The following AATK variants were observed in gnomAD, a reference collection of about 807,000 sequenced individuals.
AATK encodes lemur tail kinase 1.
Under a neutral mutation model 114.3 loss-of-function variants are expected in AATK, and 91 were observed. The ratio of observed to expected loss-of-function variants is 0.80; its 90% confidence interval spans 0.67 to 0.95. The LOEUF (loss-of-function observed/expected upper bound fraction) is 0.95, where lower values mean the gene tolerates loss of function less well. Among genes scored for constraint, AATK ranks in the 40% least tolerant of loss-of-function variants. The pLI is 0.00. For missense variants in AATK, 2,176 were observed against 1,965.2 expected, an observed-to-expected ratio of 1.11 and a Z score of -2.03; for synonymous variants, 1,075 against 916.5, an observed-to-expected ratio of 1.17 and a Z score of -3.12.
At chr17:81,137,869 C>G (rs1182472384) in intron 1 of AATK, among the ~76,000 whole-genome samples, 1 of 151,916 alleles carries the variant, frequency 6.6e-6, no homozygotes, top group African/African-American at 2.4e-5. Context: ...CGTGTGCACA[C>G]CCATACCCGC....
At chr17:81,128,360 T>C (rs1019522268) in intron 4 of AATK, 110 bp downstream of exon 4, 2 of 1,346,288 alleles carry the variant, frequency 1.5e-6, no homozygotes, top group Admixed American at 2.0e-5. Flanking sequence ...GCCCAGAGAC[T>C]GAAGAAGGGA....
intron 1 of AATK, among the ~76,000 whole-genome samples, chr17:81,150,024 G>A (rs2061274699): frequency 1.3e-5 from 2 of 152,214 alleles, no homozygotes; most frequent in South Asian, 4.2e-4. Flanking sequence ...GGTGCCTCTG[G>A]CGGGGACAGC....
intron 1 of AATK, among the ~76,000 whole-genome samples, chr17:81,160,482 G>C (rs550675370): frequency 2.6e-5 from 4 of 152,118 alleles, no homozygotes; most frequent in Non-Finnish European, 5.9e-5. Flanking sequence ...CTTCCTCTGC[G>C]GGGGGGCGGG....
intron 3 of AATK, among the ~76,000 whole-genome samples, chr17:81,130,357 G>A (rs566317410): frequency 1.3e-5 from 2 of 152,278 alleles, no homozygotes; most frequent in South Asian, 4.1e-4. Flanking sequence ...ACAGAACTGG[G>A]AGGTCCTGAA....
In AATK at chr17:81,121,164, G is replaced by A; in HGVS notation, c.2772C>T (p.Ala924=). Residue 924 remains alanine (A), a synonymous_variant, in exon 11 of 14, where the codon GCC becomes GCT. Transcript: ENST00000326724. ...DGGYEVFSPS[A]TGPSGGQPRA... is the part of the protein sequence containing the mutation. The stretch of plus-strand genomic sequence containing the variant: ...GCGGCTGCCCTCCAGAGGGGCCAGT[G>A]GCCGACGGGCTGAAGACCTCATAGC... 6.2e-7 allele frequency: 1 copy of A among 1,602,438 alleles called. No individual in the cohort carries two copies. The highest frequency in any genetic ancestry group is 8.5e-7 in the Non-Finnish European group (1 of 1,175,194).
intron 1 of AATK, 70 bp downstream of exon 1, chr17:81,165,868 G>T (rs2061483064): frequency 6.5e-7 from 1 of 1,535,918 alleles, no homozygotes; most frequent in Admixed American, 2.1e-5. Flanking sequence ...CGGGAGCCGT[G>T]GGGCCCAGGG....
At chr17:81,163,336 G>A (rs1457195269) in intron 1 of AATK, among the ~76,000 whole-genome samples, 1 of 152,114 alleles carries the variant, frequency 6.6e-6, no homozygotes, top group East Asian at 1.9e-4. Context: ...AGGTAGAAGG[G>A]GTGACCTCTG....
At chr17:81,151,396 C>T (rs1301389495) in intron 1 of AATK, among the ~76,000 whole-genome samples, 1 of 82,910 alleles carries the variant, frequency 1.2e-5, no homozygotes, top group African/African-American at 3.6e-5. Flanking sequence ...TTTTCTATGA[C>T]GCAAGGCTCC....
In AATK at chr17:81,121,782, G is replaced by A. The variant is rs993179686; in HGVS notation, c.2154C>T (p.Ser718=). The A allele has an allele frequency of 1.3e-6, 2 of 1,552,262 alleles. No individual in the cohort carries two copies. Among genetic ancestry groups the A allele is most frequent in the Admixed American group, 1.8e-5 (1 of 54,668 alleles). The change falls in exon 11 of 14, where the codon TCC becomes TCT. Residue 718 remains serine, a synonymous_variant. Coordinates refer to ENST00000326724, the MANE Select transcript of AATK (RefSeq NM_001080395.3). The part of the protein sequence containing the change: ...CPSPKQTPRA[S]PEPGYPGEPL... ...GCTCTCCAGGGTACCCCGGCTCGGG[G>A]GAGGCCCGTGGGGTCTGCTTTGGAC...
intron 1 of AATK, 72 bp downstream of exon 1, chr17:81,165,866 G>T: frequency 6.5e-7 from 1 of 1,535,782 alleles, no homozygotes; most frequent in Non-Finnish European, 8.8e-7. Flanking sequence ...ACCGGGAGCC[G>T]TGGGGCCCAG....
intron 1 of AATK, among the ~76,000 whole-genome samples, chr17:81,139,292 T>C (rs1598946340): frequency 6.6e-6 from 1 of 152,180 alleles, no homozygotes; most frequent in African/African-American, 2.4e-5. Flanking sequence ...CTTATCTCCT[T>C]GGGACCAGCC....
At chr17:81,127,692 C>T in intron 5 of AATK, 22 bp from the exon 6 acceptor site, 1 of 1,565,162 alleles carries the variant, frequency 6.4e-7, no homozygotes, top group Non-Finnish European at 8.7e-7. Context: ...GACAGGCGGC[C>T]CCTGACTTGG....
At position 81,120,685 on chromosome 17, in the gene AATK, T is replaced by G. The variant is rs748609471; in HGVS notation, c.3251A>C (p.Gln1084Pro). Residue 1084 changes from glutamine (Q) to proline (P), a missense_variant, in exon 11 of 14, where the codon CAA (glutamine) becomes CCA (proline). Transcript: ENST00000326724. ...CCCAGGCCGCACCTTGGCTGGGCCT[T>G]GGGGCTCCGGAGGCTCTGGGACCAG... The part of the protein sequence containing the change: ...SGLVPEPPEP[Q>P]GPAKVRPGPS... 6.0e-5 allele frequency: 91 copies of G among 1,514,692 alleles called. 1 individual carries two copies. In the African/African-American group the frequency reaches 1.2e-3, roughly 19 times the overall value. 93.8% of individuals were successfully genotyped at this position (1,514,692 alleles called of 1,614,324 possible).
In AATK at chr17:81,122,083, C is replaced by T; in HGVS notation, c.1853G>A (p.Ser618Asn). The T allele has an allele frequency of 6.3e-7, 1 of 1,581,170 alleles. No individual in the cohort carries two copies. The highest frequency in any genetic ancestry group is 8.5e-7 in the Non-Finnish European group (1 of 1,170,660). Residue 618 changes from serine to asparagine, a missense_variant, in exon 11 of 14, where the codon AGT becomes AAT. Ser to Asn is a conservative substitution (Grantham distance 46). Around this residue, in one of 4 missense-constraint regions of AATK, gnomAD observed 1,701 missense variants for 1,394.7 expected, o/e 1.22. Transcript: ENST00000326724. ...RSPSPSAGPL[S>N]LAEGGAEDAD... is the part of the protein sequence containing the mutation. ...ATCCTCCGCTCCTCCCTCCGCCAGA[C>T]TCAGGGGCCCCGCCGAGGGCGAGGG...
chr17:81,160,058 C>A (rs940030974), intron 1 of AATK, among the ~76,000 whole-genome samples: 4 of 152,190 alleles, frequency 2.6e-5, no homozygotes, highest in African/African-American at 9.7e-5. Context: ...CCCTCACTCC[C>A]CCTGGGGCAG....
rs944495439 is a variant in AATK, at chr17:81,121,222, G to A, written c.2714C>T (p.Ser905Phe). Residue 905 changes from serine (S) to phenylalanine (F), a missense_variant, in exon 11 of 14, where the codon TCC becomes TTC. Ser to Phe is a radical substitution (Grantham distance 155, BLOSUM62 -2). Around this residue, in one of 4 missense-constraint regions of AATK, gnomAD observed 1,701 missense variants for 1,394.7 expected, o/e 1.22. Transcript: ENST00000326724. ...ACTGGCTGAGGACGGGATGTCCAGG[G>A]AGTCCAGGGAGTCGGGGGTCCCCAC... ...KQVGTPDSLD[S>F]LDIPSSASDG... 2.6e-5 allele frequency: 42 copies of A among 1,605,166 alleles called. No homozygotes were observed. Among genetic ancestry groups the A allele is most frequent in the Non-Finnish European group, 3.4e-5 (40 of 1,176,440 alleles).
At chr17:81,125,105 G>A (rs2060786703) in intron 7 of AATK, 91 bp from the exon 8 acceptor site, 1 of 894,286 alleles carries the variant, frequency 1.1e-6, no homozygotes, top group South Asian at 1.6e-5. Flanking sequence ...GGGTGTGCCG[G>A]GCGGGGGCAT....
rs115559808 is a variant in AATK, at chr17:81,126,978, G to A, written c.622-418C>T. Among the ~76,000 whole-genome samples the A allele has an allele frequency of 0.021, 3,188 of 151,744 alleles. 47 individuals are homozygous for A. Among genetic ancestry groups the A allele is most frequent in the Middle Eastern group, 0.072 (21 of 292 alleles). Reference sequence around the variant, plus strand: ...GCCAGTGTGTGAGGGCCCCTGTCCCGAGGGAAGCCAGCAGGGGATCCAGCC... The same window carrying A: ...GCCAGTGTGTGAGGGCCCCTGTCCCAAGGGAAGCCAGCAGGGGATCCAGCC... On this transcript the variant is annotated intron_variant, in intron 6 of 13. Coordinates refer to ENST00000326724, the MANE Select transcript of AATK (RefSeq NM_001080395.3). This position sits in a 1 kb window ranked among gnomAD's most constrained non-coding sequence, Gnocchi z 5.1.
intron 8 of AATK, 39 bp from the exon 9 acceptor site, chr17:81,124,887 C>T: frequency 6.3e-7 from 1 of 1,575,480 alleles, no homozygotes; most frequent in Non-Finnish European, 8.6e-7. Context: ...CCGGCGCAGG[C>T]CCTGCCCCTC....
Sources: gnomAD v4.1 joint callset for allele counts (sites outside exome capture counted in the v4.1 genomes callset) on GRCh38, gnomAD v4.1.1 for gene constraint, gnomAD v4.1.1 regional missense constraint, Gnocchi (gnomAD v3.1) non-coding constraint, MANE v1.5 for transcripts, NCBI Gene and HGNC (gene_info 2026-07-23, HGNC 2026-07-21) for gene names.